Variants in TENM3 observed in about 807,000 individuals in gnomAD.
TENM3 encodes the protein teneurin-3.
A neutral mutation model predicts 255.1 loss-of-function variants in TENM3; 63 were observed. The ratio of observed to expected loss-of-function variants is 0.25; its 90% CI spans 0.20 to 0.30. The LOEUF (loss-of-function observed/expected upper bound fraction) is 0.30, where lower values mean the gene tolerates loss of function less well. TENM3 is among the 10% of genes least tolerant of loss of function. The pLI is 1.00. For synonymous variants in TENM3, 1,306 were observed against 1,322.3 expected (o/e 0.99, Z 0.27); for missense variants, 2,929 against 3,461.1 (o/e 0.85, Z 3.86).
chr4:181,663,647 A>G, the TENM3 span, among the ~76,000 whole-genome samples: 1 of 152,226 alleles, frequency 6.6e-6, no homozygotes, highest in Non-Finnish European at 1.5e-5. Flanking sequence ...GATGGGAAGA[A>G]CATCCTTCAA....
the TENM3 span, among the ~76,000 whole-genome samples, chr4:182,065,720 G>A: frequency 9.9e-5 from 15 of 152,132 alleles, no homozygotes; most frequent in Non-Finnish European, 1.8e-4. Context: ...TCCTTCCATG[G>A]GTTTCTCCCT....
chr4:181,470,315 C>T, the TENM3 span, among the ~76,000 whole-genome samples: 102,778 of 151,858 alleles, frequency 0.68, 35,372 homozygotes, highest in Non-Finnish European at 0.74. Context: ...ATTTAAGCTT[C>T]TTTTGAAAGC....
chr4:182,142,932 C>G (rs924865395), upstream of TENM3: 1 of 167,080 alleles, frequency 6.0e-6, no homozygotes, highest in East Asian at 1.9e-4. Context: ...TTCGGAGCTA[C>G]AAAACTCTGG....
At chr4:181,899,220 A>T in the TENM3 span, among the ~76,000 whole-genome samples, 12 of 152,004 alleles carry the variant, frequency 7.9e-5, no homozygotes, top group Admixed American at 7.9e-4. Flanking sequence ...GAATATTTTG[A>T]ACTGAAAGTA....
At chr4:181,734,515 A>G in the TENM3 span, among the ~76,000 whole-genome samples, 32 of 152,262 alleles carry the variant, frequency 2.1e-4, no homozygotes, top group Admixed American at 2.0e-3. Flanking sequence ...ATATATATGC[A>G]TATATACACA....
chr4:181,681,955 C>CA, the TENM3 span, among the ~76,000 whole-genome samples: 2 of 152,000 alleles, frequency 1.3e-5, no homozygotes, highest in Admixed American at 6.6e-5. Flanking sequence ...TGATCTCATA[C>CA]AAAAAGGAAA....
chr4:181,621,743 G>A, the TENM3 span, among the ~76,000 whole-genome samples: 1 of 152,156 alleles, frequency 6.6e-6, no homozygotes, highest in Admixed American at 6.6e-5. Flanking sequence ...GTCAAGAAGG[G>A]AAAAGATCCA....
the TENM3 span, among the ~76,000 whole-genome samples, chr4:181,522,178 TATAGAGCAG>T: frequency 4.0e-4 from 60 of 149,354 alleles, no homozygotes; most frequent in African/African-American, 1.5e-3. Context: ...GGGTGCTATG[TATAGAGCAG>T]ATACATCATT....
intron 13 of TENM3, among the ~76,000 whole-genome samples, chr4:182,718,575 T>G (rs1759399080): frequency 6.6e-6 from 1 of 152,186 alleles, no homozygotes; most frequent in Admixed American, 6.5e-5. Context: ...AGCATTCAGC[T>G]TTAGTACAGT....
chr4:181,595,751 C>G, the TENM3 span, among the ~76,000 whole-genome samples: 2 of 152,228 alleles, frequency 1.3e-5, no homozygotes, highest in East Asian at 3.9e-4. Flanking sequence ...ACAATGACCT[C>G]CTATCTTTTT....
intron 1 of TENM3, among the ~76,000 whole-genome samples, chr4:182,254,954 C>G (rs988436260): frequency 6.6e-6 from 1 of 152,078 alleles, no homozygotes; most frequent in Non-Finnish European, 1.5e-5. Flanking sequence ...GTTTACGAAC[C>G]ATGTGTGTAT....
the TENM3 span, among the ~76,000 whole-genome samples, chr4:182,100,798 CATATAT>C: frequency 3.9e-4 from 5 of 12,736 alleles, no homozygotes; most frequent in African/African-American, 6.2e-4. Context: ...TATATATACA[CATATAT>C]ATACACATAT....
chr4:182,356,520 T>C (rs1026718245), intron 3 of TENM3, among the ~76,000 whole-genome samples: 2 of 151,762 alleles, frequency 1.3e-5, no homozygotes, highest in Admixed American at 6.6e-5. Flanking sequence ...ACTTGCATAA[T>C]TGGAGGACAT....
chr4:181,998,009 T>C, the TENM3 span, among the ~76,000 whole-genome samples: 1 of 152,198 alleles, frequency 6.6e-6, no homozygotes, highest in Admixed American at 6.5e-5. Flanking sequence ...GTTAAAGGAA[T>C]TGGTAGCCAA....
intron 3 of TENM3, among the ~76,000 whole-genome samples, chr4:182,409,815 CTT>C (rs1485562745): frequency 2.0e-5 from 3 of 151,400 alleles, no homozygotes; most frequent in Non-Finnish European, 4.4e-5. Context: ...ATTTTCTTCT[CTT>C]TTTCTTTTTT....
the TENM3 span, among the ~76,000 whole-genome samples, chr4:181,708,396 T>C: frequency 5.9e-5 from 9 of 152,258 alleles, no homozygotes; most frequent in Middle Eastern, 0.01. Context: ...TAGAAGTACA[T>C]ATAAATTTTA....
intron 3 of TENM3, among the ~76,000 whole-genome samples, chr4:182,494,733 C>G (rs1162170184): frequency 6.6e-6 from 1 of 151,976 alleles, no homozygotes; most frequent in East Asian, 1.9e-4. Flanking sequence ...CATTTTTTCC[C>G]TGATTGAATA....
At chr4:181,660,196 T>C in the TENM3 span, among the ~76,000 whole-genome samples, 7 of 152,164 alleles carry the variant, frequency 4.6e-5, no homozygotes, top group African/African-American at 1.4e-4. Flanking sequence ...TAATTGGTCT[T>C]GAAAGACAAT....
chr4:182,797,537 G>T (rs888455050), intron 27 of TENM3, among the ~76,000 whole-genome samples: 6 of 152,130 alleles, frequency 3.9e-5, no homozygotes, highest in South Asian at 2.1e-4. Context: ...AACCAGGAAG[G>T]TTTATGGAAT....
Sources: allele counts gnomAD v4.1 joint callset (sites outside exome capture counted in the v4.1 genomes callset), GRCh38; gene constraint gnomAD v4.1.1; transcripts MANE v1.5; gene names NCBI Gene and HGNC (gene_info 2026-07-23, HGNC 2026-07-21).